Variants in LRRTM4 observed in about 807,000 individuals in gnomAD.
LRRTM4 encodes the protein leucine-rich repeat transmembrane neuronal protein 4.
LRRTM4 carries 25 observed loss-of-function variants against 47.6 expected under a neutral mutation model. That is an observed-to-expected ratio of 0.53 (90% CI 0.38 to 0.73). The LOEUF (loss-of-function observed/expected upper bound fraction) is 0.73. Ranked by LOEUF, LRRTM4 falls within the 30% of genes least tolerant of loss-of-function variation. LRRTM4 has a pLI of 0.00. For missense variants in LRRTM4, 638 were observed against 713.4 expected, an observed-to-expected ratio of 0.89 and a Z score of 1.20; for synonymous variants, 311 against 269.5, an observed-to-expected ratio of 1.15 and a Z score of -1.51.
rs1429408712 is a variant in LRRTM4 at position 76,899,485 on chromosome 2, AAAG to A, written c.1552-150572_1552-150570del. Among the ~76,000 whole-genome samples the A allele has an allele frequency of 2.0e-5, 3 of 152,108 alleles. No individual in the cohort carries two copies. The South Asian group carries it at 6.2e-4, about 31-fold the overall frequency. On this transcript the variant is annotated intron_variant, in intron 3 of 3. Transcript: ENST00000409884. ...TTTATGGAGAAGGTGATATTTGAAC[AAAG>A]AATAGAAAGAGGTGACAAATAAACC...
Position 76,808,091 on chromosome 2 carries a change from C to G in LRRTM4, c.1552-59175G>C, listed in dbSNP as rs1053649673. ...TGGAGTGCAAGTGGCACAATCTCAA[C>G]TCACTGCAACCTCCACCTCCTGGGT... is the stretch of plus-strand genomic sequence containing the variant. On this transcript the variant is annotated intron_variant, in intron 3 of 3. Transcript: ENST00000409884. Among the ~76,000 whole-genome samples the G allele has an allele frequency of 4.6e-5, 7 of 151,786 alleles. 1 individual carries two copies. The highest frequency in any genetic ancestry group is 2.0e-4 in the Admixed American group (3 of 15,212).
chr2:77,300,461 T>G (rs1677105006), intron 3 of LRRTM4, among the ~76,000 whole-genome samples: 1 of 152,186 alleles, frequency 6.6e-6, no homozygotes, highest in Non-Finnish European at 1.5e-5. Context: ...ACTAGATGGG[T>G]AATTTAGAGC....
intron 3 of LRRTM4, among the ~76,000 whole-genome samples, chr2:77,041,587 T>C (rs1235937529): frequency 1.3e-5 from 2 of 151,434 alleles, no homozygotes; most frequent in Non-Finnish European, 3.0e-5. Flanking sequence ...ATTTTTCGTC[T>C]TTTTTAGCCA....
intron 3 of LRRTM4, among the ~76,000 whole-genome samples, chr2:77,383,200 T>C (rs1472082110): frequency 6.6e-6 from 1 of 152,120 alleles, no homozygotes; most frequent in Non-Finnish European, 1.5e-5. Flanking sequence ...CTAATAATTT[T>C]ATGCTTAGGA....
chr2:77,204,803 C>T (rs571024725), intron 3 of LRRTM4, among the ~76,000 whole-genome samples: 105 of 152,192 alleles, frequency 6.9e-4, no homozygotes, highest in Middle Eastern at 6.8e-3. Context: ...AGGAAGGGCT[C>T]GATAAATACT....
At chr2:77,085,485 A>G (rs1680681631) in intron 3 of LRRTM4, among the ~76,000 whole-genome samples, 2 of 152,018 alleles carry the variant, frequency 1.3e-5, no homozygotes, top group South Asian at 4.1e-4. Flanking sequence ...AATTATTAAA[A>G]TTATTAAAGA....
At chr2:77,353,390 CTT>C (rs1406694849) in intron 3 of LRRTM4, among the ~76,000 whole-genome samples, 1 of 152,140 alleles carries the variant, frequency 6.6e-6, no homozygotes, top group East Asian at 1.9e-4. Context: ...TTGTATATCT[CTT>C]GTTTGTAAAT....
chr2:77,067,140 A>T (rs191238464), intron 3 of LRRTM4, among the ~76,000 whole-genome samples: 77 of 152,354 alleles, frequency 5.1e-4, no homozygotes, highest in African/African-American at 1.7e-3. Context: ...ATGTTGGAAA[A>T]TAAGCAAAGT....
chr2:76,935,636 G>T (rs9751593), intron 3 of LRRTM4, among the ~76,000 whole-genome samples: 15,683 of 152,180 alleles, frequency 0.1, 1,152 homozygotes, highest in East Asian at 0.42. Context: ...GTTCACTCAT[G>T]ATTTGGCTCT....
At chr2:76,837,964 A>G (rs1014133771) in intron 3 of LRRTM4, among the ~76,000 whole-genome samples, 3 of 151,854 alleles carry the variant, frequency 2.0e-5, no homozygotes, top group Admixed American at 2.0e-4. Context: ...GAGGGATAGC[A>G]TTAGGAGATA....
intron 3 of LRRTM4, among the ~76,000 whole-genome samples, chr2:77,022,356 A>G (rs1457531386): frequency 6.6e-6 from 1 of 152,100 alleles, no homozygotes; most frequent in Non-Finnish European, 1.5e-5. Context: ...AAACCATATC[A>G]TTCTTCCCCC....
intron 3 of LRRTM4, among the ~76,000 whole-genome samples, chr2:77,457,028 A>ATG (rs1558752079): frequency 8.4e-5 from 2 of 23,676 alleles, no homozygotes; most frequent in East Asian, 1.3e-3. Context: ...ATATATATAT[A>ATG]TATATATATA....
intron 3 of LRRTM4, among the ~76,000 whole-genome samples, chr2:77,234,589 A>G (rs2103976946): frequency 6.6e-6 from 1 of 152,324 alleles, no homozygotes; most frequent in East Asian, 1.9e-4. Flanking sequence ...TCAGATTTAT[A>G]GGATCATTTG....
At position 77,316,276 on chromosome 2, in the gene LRRTM4, T is replaced by C. The variant is rs116212380; in HGVS notation, c.1551+202042A>G. Among the ~76,000 whole-genome samples, 600 of 152,290 alleles carry C rather than the reference T, an allele frequency of 3.9e-3. 3 individuals are homozygous for C. The highest frequency in any genetic ancestry group is 0.014 in the African/African-American group (577 of 41,554). On this transcript the variant is annotated intron_variant, in intron 3 of 3. Transcript: ENST00000409884. ...AATATATGTAAAGCACTTTACAGAA[T>C]GATGCGTAAGTTCTCAGCAAGCCTG...
At chr2:76,990,678 T>C (rs1483775938) in intron 3 of LRRTM4, among the ~76,000 whole-genome samples, 1 of 151,762 alleles carries the variant, frequency 6.6e-6, no homozygotes, top group African/African-American at 2.4e-5. Context: ...CAAAAAGACT[T>C]AGACAACCAC....
intron 3 of LRRTM4, among the ~76,000 whole-genome samples, chr2:77,467,288 C>T (rs748189909): frequency 1.6e-4 from 25 of 152,150 alleles, no homozygotes; most frequent in South Asian, 1.0e-3. Context: ...GAATGACCAC[C>T]CTGACGAGTG....
intron 3 of LRRTM4, among the ~76,000 whole-genome samples, chr2:77,324,210 G>T (rs201075860): frequency 1.3e-5 from 2 of 151,918 alleles, no homozygotes; most frequent in African/African-American, 4.8e-5. Flanking sequence ...ATTTTTTCTC[G>T]ACAAATATTT....
chr2:77,006,810 C>T (rs536172528), intron 3 of LRRTM4, among the ~76,000 whole-genome samples: 1 of 152,274 alleles, frequency 6.6e-6, no homozygotes, highest in African/African-American at 2.4e-5. Context: ...ACCAGCTAAG[C>T]TTCAGTGGAA....
At chr2:76,896,026 G>A (rs1212845614) in intron 3 of LRRTM4, among the ~76,000 whole-genome samples, 2 of 151,968 alleles carry the variant, frequency 1.3e-5, no homozygotes, top group Admixed American at 6.6e-5. Flanking sequence ...GCAAATTTGT[G>A]CCAAGTAAAG....
Sources: gnomAD v4.1 joint callset for allele counts (sites outside exome capture counted in the v4.1 genomes callset) on GRCh38, gnomAD v4.1.1 for gene constraint, MANE v1.5 for transcripts, NCBI Gene and HGNC (gene_info 2026-07-23, HGNC 2026-07-21) for gene names.